SLAMF7: variants seen among roughly 807,000 people sequenced by gnomAD.
SLAMF7 encodes SLAM family member 7.
Under a neutral mutation model 34.1 loss-of-function variants are expected in SLAMF7, and 26 were observed. That is an observed-to-expected ratio of 0.76 (90% CI 0.56 to 1.06). SLAMF7 has a LOEUF of 1.06. Ranked by LOEUF, SLAMF7 falls within the 50% of genes least tolerant of loss-of-function variation. SLAMF7 has a pLI of 0.00. For synonymous variants in SLAMF7, 171 were observed against 156.4 expected (o/e 1.09, Z -0.70); for missense variants, 399 against 402.5 (o/e 0.99, Z 0.07).
At position 160,739,295 on chromosome 1, in the gene SLAMF7, G is replaced by C. The variant is rs1028498362; in HGVS notation, c.-7G>C. The C allele has an allele frequency of 5.0e-6, 8 of 1,613,748 alleles. No individual in the cohort carries two copies. The African/African-American group carries it at 1.1e-4, about 22-fold the overall frequency. The stretch of plus-strand genomic sequence containing the variant: ...TTCATTTCAGTGGCTGACTTCCAGA[G>C]AGCAATATGGCTGGTTCCCCAACAT... On this transcript the variant is annotated 5_prime_UTR_variant, in exon 1 of 7. Coordinates refer to ENST00000368043, the MANE Select transcript of SLAMF7 (RefSeq NM_021181.5).
chr1:160,748,480 G>GC lies in SLAMF7; in HGVS notation c.345dup (p.Ser116LeufsTer17). The GC allele has an allele frequency of 6.2e-7, 1 of 1,613,922 alleles. No individual in the cohort carries two copies. The highest frequency in any genetic ancestry group is 8.5e-7 in the Non-Finnish European group (1 of 1,179,850). On this transcript the variant is annotated frameshift_variant, in exon 2 of 7. Transcript: ENST00000368043. LOFTEE classifies it high-confidence loss of function. ...GGATATACAGCTCATCACTCCAGCA[G>GC]CCCTCCACCCAGGAGTACGTGCTGC...
chr1:160,741,576 T>C (rs1663746310), intron 1 of SLAMF7, among the ~76,000 whole-genome samples: 1 of 152,146 alleles, frequency 6.6e-6, no homozygotes, highest in African/African-American at 2.4e-5. Context: ...TTTTTTTAAA[T>C]CCATGGTTTC....
chr1:160,753,223 C>T lies in SLAMF7; in HGVS notation c.*46C>T, dbSNP rs780654460. 116 of 1,493,840 alleles carry T rather than the reference C, an allele frequency of 7.8e-5. No homozygotes were observed. Among genetic ancestry groups the T allele is most frequent in the Non-Finnish European group, 1.0e-4 (111 of 1,081,260 alleles). The allele number at this position is 1,493,840 out of a possible 1,614,324, so 92.5% of individuals were successfully genotyped here. On this transcript the variant is annotated 3_prime_UTR_variant, in exon 7 of 7. Coordinates refer to ENST00000368043, the MANE Select transcript of SLAMF7 (RefSeq NM_021181.5). ...GTCTCTGCTCAAAAAAAAAACAATT[C>T]TCGGCCCAAAGAAAACAATCAGAAG...
At chr1:160,750,193 G>A (rs1340940651) in intron 3 of SLAMF7, 100 bp downstream of exon 3, 1 of 1,572,298 alleles carries the variant, frequency 6.4e-7, no homozygotes, top group African/African-American at 1.4e-5. Flanking sequence ...GAAACTGGAG[G>A]CCGCTGGGTG....
At chr1:160,740,654 G>A (rs940010103) in intron 1 of SLAMF7, among the ~76,000 whole-genome samples, 2 of 152,186 alleles carry the variant, frequency 1.3e-5, no homozygotes, top group Non-Finnish European at 2.9e-5. Context: ...CTCTTCTCAG[G>A]TGTGTAACAG....
At chr1:160,752,760 A>G (rs489286) in intron 6 of SLAMF7, among the ~76,000 whole-genome samples, 98,642 of 151,952 alleles carry the variant, frequency 0.65, 32,676 homozygotes, top group East Asian at 0.8. Context: ...GGCAGCAGTA[A>G]TGGTATCTTT....
intron 2 of SLAMF7, 107 bp downstream of exon 2, chr1:160,748,621 T>A (rs1340887859): frequency 9.7e-7 from 1 of 1,030,136 alleles, no homozygotes; most frequent in Non-Finnish European, 1.4e-6. Flanking sequence ...GGCAAGAATG[T>A]GGGAGAGGGG....
rs758892078 is a variant in SLAMF7, at chr1:160,753,088, CT to C, written c.937-13del. 1 of 1,612,868 alleles carries C rather than the reference CT, an allele frequency of 6.2e-7. No individual in the cohort carries two copies. Among genetic ancestry groups the C allele is most frequent in the Non-Finnish European group, 8.5e-7 (1 of 1,179,270 alleles). On this transcript the variant is annotated splice_polypyrimidine_tract_variant and intron_variant, in intron 6 of 6. Coordinates refer to ENST00000368043, the MANE Select transcript of SLAMF7 (RefSeq NM_021181.5). ...CTGCTCACCTCCCTCACTCTACTTT[CT>C]TTTTGTCTGTCTTCAGATGGAAAAT... is the stretch of plus-strand genomic sequence containing the variant.
intron 6 of SLAMF7, among the ~76,000 whole-genome samples, chr1:160,752,706 C>A (rs189121566): frequency 6.6e-6 from 1 of 152,188 alleles, no homozygotes; most frequent in African/African-American, 2.4e-5. Context: ...AGTTAAACTA[C>A]TAATGCAGTA....
chr1:160,751,478 T>A lies in SLAMF7; in HGVS notation c.873+30T>A, dbSNP rs187854613. On this transcript the variant is annotated intron_variant, in intron 5 of 6. Transcript: ENST00000368043. ...GTCCCTTCTCATCTTTCCTGAGAAC[T>A]GATCCTGTCTCTGAGGCTCTCCTTG... 12 of 1,538,392 alleles carry A rather than the reference T, an allele frequency of 7.8e-6. No homozygotes were observed. In the East Asian group the frequency reaches 2.2e-4, roughly 29 times the overall value.
chr1:160,752,088 G>A (rs1340721656), intron 5 of SLAMF7, 98 bp from the exon 6 acceptor site: 7 of 984,186 alleles, frequency 7.1e-6, no homozygotes, highest in Middle Eastern at 2.1e-4. Context: ...TCCCATCTCT[G>A]CTTTCCCCTC....
At position 160,750,047 on chromosome 1, in the gene SLAMF7, C is replaced by A. The variant is rs759424589; in HGVS notation, c.603C>A (p.Val201=). Residue 201 remains valine, a synonymous_variant, in exon 3 of 7, where the codon GTC becomes GTA. Coordinates refer to ENST00000368043, the MANE Select transcript of SLAMF7 (RefSeq NM_021181.5). The part of the protein sequence containing the change: ...MTFICVARNP[V]SRNFSSPILA... ...TCATCTGCGTTGCCAGGAACCCTGT[C>A]AGCAGAAACTTCTCAAGCCCCATCC... The A allele has an allele frequency of 4.3e-6, 7 of 1,614,026 alleles. No homozygotes were observed. The highest frequency in any genetic ancestry group is 5.9e-6 in the Non-Finnish European group (7 of 1,180,004).
intron 1 of SLAMF7, 42 bp from the exon 2 acceptor site, chr1:160,748,152 G>C: frequency 6.3e-7 from 1 of 1,586,390 alleles, no homozygotes; most frequent in Non-Finnish European, 8.6e-7. Flanking sequence ...TGGTGACAAG[G>C]ACAGGGAATC....
rs73015924 is a variant in SLAMF7 at position 160,739,720 on chromosome 1, G to A, written c.55+364G>A. On this transcript the variant is annotated intron_variant, in intron 1 of 6. Transcript: ENST00000368043. The stretch of plus-strand genomic sequence containing the variant: ...CTTCTAGCCTTCTCTCCTTTTGAGG[G>A]CAACTTTAAGAACAAGATGATACTA... 1,687 of 206,098 alleles carry A rather than the reference G, an allele frequency of 8.2e-3. 33 individuals are homozygous for A. The highest frequency in any genetic ancestry group is 0.038 in the African/African-American group (1,617 of 42,750). 12.8% of individuals were successfully genotyped at this position (206,098 alleles called of 1,614,324 possible).
chr1:160,746,341 A>T (rs1412456725), intron 1 of SLAMF7, among the ~76,000 whole-genome samples: 1 of 152,220 alleles, frequency 6.6e-6, no homozygotes, highest in Admixed American at 6.5e-5. Flanking sequence ...GAACCACAAA[A>T]GTCACCATGT....
rs1293218382 is a variant in SLAMF7, at chr1:160,754,289, T to C, written c.*1112T>C. 1 of 152,146 alleles carries C rather than the reference T, an allele frequency of 6.6e-6. No homozygotes were observed. The highest frequency in any genetic ancestry group is 2.4e-5 in the African/African-American group (1 of 41,408). 9.4% of individuals were successfully genotyped at this position (152,146 alleles called of 1,614,324 possible). On this transcript the variant is annotated 3_prime_UTR_variant, in exon 7 of 7. Coordinates refer to ENST00000368043, the MANE Select transcript of SLAMF7 (RefSeq NM_021181.5). ...CAACATGGTGAAACCCCATCTCTAC[T>C]AAAGATACAAAAATTTGCTGAGCGT...
intron 6 of SLAMF7, 35 bp from the exon 7 acceptor site, chr1:160,753,071 C>T (rs761640749): frequency 1.3e-6 from 2 of 1,598,860 alleles, no homozygotes; most frequent in South Asian, 1.1e-5. Context: ...CCCTGCTCAC[C>T]TCCCTCACTC....
chr1:160,750,244 T>C (rs937354079), intron 3 of SLAMF7, 60 bp from the exon 4 acceptor site: 1 of 1,597,152 alleles, frequency 6.3e-7, no homozygotes, highest in Non-Finnish European at 8.5e-7. Context: ...CTCCAAGACC[T>C]GGGTCGTTTT....
At chr1:160,749,659 A>C (rs1664399968) in intron 2 of SLAMF7, among the ~76,000 whole-genome samples, 162 bp from the exon 3 acceptor site, 2 of 152,218 alleles carry the variant, frequency 1.3e-5, no homozygotes, top group Non-Finnish European at 2.9e-5. Flanking sequence ...AGACCTAGGT[A>C]GTTCTCTTTT....
Sources: allele counts gnomAD v4.1 joint callset (sites outside exome capture counted in the v4.1 genomes callset), GRCh38; gene constraint gnomAD v4.1.1; transcripts MANE v1.5; gene names NCBI Gene and HGNC (gene_info 2026-07-23, HGNC 2026-07-21).